The following TEX9 variants were observed in gnomAD, a reference collection of about 807,000 sequenced individuals.
TEX9 encodes the protein testis-expressed protein 9.
TEX9 carries 74 observed loss-of-function variants against 59.6 expected under a neutral mutation model. The ratio of observed to expected loss-of-function variants is 1.24; its 90% confidence interval spans 1.03 to 1.51. The LOEUF (loss-of-function observed/expected upper bound fraction) is 1.51. Among genes scored for constraint, TEX9 ranks in the 40% most tolerant of loss-of-function variants. The probability of loss-of-function intolerance (pLI) is 0.00; values close to 1 mark genes in which losing one functional copy is unlikely to be tolerated. For synonymous variants in TEX9, 186 were observed against 152.2 expected (o/e 1.22, Z -1.64); for missense variants, 522 against 447.8 (o/e 1.17, Z -1.49).
At chr15:56,354,066 G>T (rs2046637121) in intron 1 of TEX9, among the ~76,000 whole-genome samples, 1 of 152,268 alleles carries the variant, frequency 6.6e-6, no homozygotes, top group South Asian at 2.1e-4. Flanking sequence ...ATGCAGATTT[G>T]ATTATTTGTA....
intron 1 of TEX9, among the ~76,000 whole-genome samples, chr15:56,295,884 G>A (rs2045205745): frequency 6.6e-6 from 1 of 152,172 alleles, no homozygotes; most frequent in Non-Finnish European, 1.5e-5. Context: ...CTGCTCTTGA[G>A]GGGCTGAATC....
intron 1 of TEX9, among the ~76,000 whole-genome samples, chr15:56,327,687 G>A (rs1164447954): frequency 3.3e-5 from 5 of 152,124 alleles, no homozygotes; most frequent in African/African-American, 7.2e-5. Flanking sequence ...GAATCTGTGC[G>A]TTTGCGAGAG....
chr15:56,278,235 A>G (rs1412132712), intron 1 of TEX9, among the ~76,000 whole-genome samples: 1 of 152,146 alleles, frequency 6.6e-6, no homozygotes, highest in Non-Finnish European at 1.5e-5. Context: ...TGATTATTGC[A>G]CATATTATCC....
At chr15:56,348,552 A>G (rs1031068542) in intron 1 of TEX9, among the ~76,000 whole-genome samples, 1 of 152,170 alleles carries the variant, frequency 6.6e-6, no homozygotes, top group African/African-American at 2.4e-5. Flanking sequence ...TCAGTACTTT[A>G]GAGATGTTCC....
At chr15:56,372,591 C>T (rs1375671212) in intron 2 of TEX9, among the ~76,000 whole-genome samples, 1 of 152,034 alleles carries the variant, frequency 6.6e-6, no homozygotes. Flanking sequence ...GCAATTTAAT[C>T]GTATAGCAGT....
intron 12 of TEX9, chr15:56,429,231 C>T (rs1374030260): frequency 1.5e-6 from 2 of 1,296,568 alleles, no homozygotes; most frequent in East Asian, 4.8e-5. Flanking sequence ...TTTTGAATAC[C>T]AGAATATTTC....
chr15:56,341,455 A>C (rs1272906650), intron 1 of TEX9, among the ~76,000 whole-genome samples: 2 of 152,200 alleles, frequency 1.3e-5, no homozygotes, highest in Non-Finnish European at 2.9e-5. Flanking sequence ...ACAGCTGGCC[A>C]GCGGTGAGTC....
intron 1 of TEX9, among the ~76,000 whole-genome samples, chr15:56,334,494 A>G (rs1596098779): frequency 6.6e-6 from 1 of 152,194 alleles, no homozygotes; most frequent in Admixed American, 6.6e-5. Context: ...CTCGTGCCAT[A>G]TACAAAAATC....
chr15:56,375,992 A>G (rs536736298), intron 3 of TEX9, among the ~76,000 whole-genome samples: 1 of 149,980 alleles, frequency 6.7e-6, no homozygotes, highest in South Asian at 2.1e-4. Flanking sequence ...ATTGCTGCAT[A>G]TTCTCACTCA....
intron 1 of TEX9, among the ~76,000 whole-genome samples, chr15:56,315,952 A>T (rs1294999734): frequency 6.6e-6 from 1 of 151,406 alleles, no homozygotes; most frequent in Non-Finnish European, 1.5e-5. Context: ...TCGGCTCCTG[A>T]GGCTTCTGCA....
At chr15:56,252,018 G>A (rs538683753) in intron 1 of TEX9, among the ~76,000 whole-genome samples, 1 of 152,264 alleles carries the variant, frequency 6.6e-6, no homozygotes, top group East Asian at 1.9e-4. Context: ...CCCCCAGAGA[G>A]TCTTACACAT....
At chr15:56,289,804 G>T (rs2045046145) in intron 1 of TEX9, among the ~76,000 whole-genome samples, 1 of 152,154 alleles carries the variant, frequency 6.6e-6, no homozygotes, top group Non-Finnish European at 1.5e-5. Context: ...GGTGGTAATG[G>T]CATTGGTGCC....
chr15:56,331,056 G>T (rs1315653557), intron 1 of TEX9, among the ~76,000 whole-genome samples: 1 of 152,146 alleles, frequency 6.6e-6, no homozygotes, highest in African/African-American at 2.4e-5. Context: ...GAGAGACAAA[G>T]AAGGTCATTA....
chr15:56,354,266 C>A (rs1485517695), intron 1 of TEX9, among the ~76,000 whole-genome samples: 5 of 152,166 alleles, frequency 3.3e-5, no homozygotes, highest in Admixed American at 6.6e-5. Flanking sequence ...GCAATGTTCC[C>A]CAAGTATTTC....
At chr15:56,392,879 T>C (rs779650852) in intron 7 of TEX9, among the ~76,000 whole-genome samples, 7 of 152,188 alleles carry the variant, frequency 4.6e-5, no homozygotes, top group Non-Finnish European at 1.0e-4. Flanking sequence ...CCTCCCTGTG[T>C]TCCCTTTTTA....
chr15:56,256,505 A>G (rs1294462554), intron 1 of TEX9, among the ~76,000 whole-genome samples: 1 of 152,136 alleles, frequency 6.6e-6, no homozygotes, highest in Non-Finnish European at 1.5e-5. Flanking sequence ...TGAAAAAAAT[A>G]CATAAAGTAG....
At chr15:56,446,294 A>G (rs1285967920), downstream of TEX9, among the ~76,000 whole-genome samples, 10 of 151,970 alleles carry the variant, frequency 6.6e-5, no homozygotes, top group African/African-American at 2.4e-4. Context: ...AGTAAACCCT[A>G]TTATATATTC....
chr15:56,424,925 G>A (rs1422612916), intron 10 of TEX9, among the ~76,000 whole-genome samples: 3 of 152,010 alleles, frequency 2.0e-5, no homozygotes, highest in Non-Finnish European at 2.9e-5. Flanking sequence ...TTAGGATTTT[G>A]TAGGGAAAAT....
intron 12 of TEX9, among the ~76,000 whole-genome samples, chr15:56,440,136 C>T (rs1308525572): frequency 1.3e-5 from 2 of 152,124 alleles, no homozygotes; most frequent in African/African-American, 4.8e-5. Flanking sequence ...GAGGATCTTA[C>T]ACCAAAGAGG....
Sources: gnomAD v4.1 joint callset for allele counts (sites outside exome capture counted in the v4.1 genomes callset) on GRCh38, gnomAD v4.1.1 for gene constraint, MANE v1.5 for transcripts, NCBI Gene and HGNC (gene_info 2026-07-23, HGNC 2026-07-21) for gene names.